The following TDP1 variants were observed in gnomAD, a reference collection of about 807,000 sequenced individuals.
The protein encoded by TDP1 is tyrosyl-DNA phosphodiesterase 1.
TDP1 carries 64 observed loss-of-function variants against 81.5 expected under a neutral mutation model. The ratio of observed to expected loss-of-function variants is 0.79; its 90% CI spans 0.64 to 0.97. TDP1 has a LOEUF of 0.97. TDP1 is among the 50% of genes least tolerant of loss of function. TDP1 has a pLI of 0.00. For missense variants in TDP1, 723 were observed against 743.8 expected, an observed-to-expected ratio of 0.97 and a Z score of 0.33; for synonymous variants, 256 against 264.3, an observed-to-expected ratio of 0.97 and a Z score of 0.30.
chr14:89,985,261 C>T lies in TDP1; in HGVS notation c.1131+51C>T, dbSNP rs763092391. ...ATTTTTAAAAAATTTAATGTATATT[C>T]TCTCTTTTAAAATAATTATATATTT... is the stretch of plus-strand genomic sequence containing the variant. On this transcript the variant is annotated intron_variant, in intron 10 of 16. Coordinates refer to ENST00000335725, the MANE Select transcript of TDP1 (RefSeq NM_018319.4). 4.2e-5 allele frequency: 45 copies of T among 1,059,374 alleles called. No individual in the cohort carries two copies. The African/African-American group carries it at 7.1e-4, about 17-fold the overall frequency. 65.6% of individuals were successfully genotyped at this position (1,059,374 alleles called of 1,614,324 possible).
intron 1 of TDP1, 53 bp from the exon 2 acceptor site, chr14:89,956,525 C>T (rs1798293387): frequency 3.9e-5 from 6 of 152,452 alleles, no homozygotes; most frequent in Admixed American, 3.9e-4. Context: ...CCGTCCCCAA[C>T]GCCTTCAGCA....
At chr14:90,024,267 C>T (rs1886405430) in intron 15 of TDP1, among the ~76,000 whole-genome samples, 1 of 152,222 alleles carries the variant, frequency 6.6e-6, no homozygotes, top group South Asian at 2.1e-4. Context: ...GCCAGGTCCA[C>T]CCTGCTAGCC....
intron 2 of TDP1, among the ~76,000 whole-genome samples, chr14:89,958,881 C>T (rs899081741): frequency 6.6e-6 from 1 of 152,220 alleles, no homozygotes; most frequent in Non-Finnish European, 1.5e-5. Flanking sequence ...TCCAATCATT[C>T]TTTTACATAA....
chr14:90,043,125 C>T lies in TDP1; in HGVS notation c.1809C>T (p.Asn603=). 1.2e-6 allele frequency: 2 copies of T among 1,614,170 alleles called. No homozygotes were observed. Among genetic ancestry groups the T allele is most frequent in the Non-Finnish European group, 1.7e-6 (2 of 1,180,028 alleles). The change falls in exon 17 of 17, where the codon AAC becomes AAT. Residue 603 remains asparagine, a synonymous_variant. Transcript: ENST00000335725. ...PYVKAPDTHG[N]MWVPS Reference sequence around the variant, plus strand: ...TCAAAGCACCGGATACGCATGGGAACATGTGGGTGCCCTCCTGAGAATCTT... The same window carrying T: ...TCAAAGCACCGGATACGCATGGGAATATGTGGGTGCCCTCCTGAGAATCTT...
intron 14 of TDP1, among the ~76,000 whole-genome samples, chr14:90,001,983 T>C (rs1897229973): frequency 1.3e-5 from 2 of 152,224 alleles, no homozygotes; most frequent in African/African-American, 4.8e-5. Flanking sequence ...CTCATCTTTT[T>C]CTGCTTAGCA....
intron 5 of TDP1, among the ~76,000 whole-genome samples, chr14:89,969,899 C>T (rs1322843060): frequency 3.4e-5 from 3 of 89,162 alleles, no homozygotes; most frequent in South Asian, 3.8e-4. Flanking sequence ...TTTTTTGAGG[C>T]GGAGTCTCGC....
chr14:90,021,663 G>T (rs1566917428), intron 15 of TDP1, among the ~76,000 whole-genome samples: 1 of 152,102 alleles, frequency 6.6e-6, no homozygotes, highest in Non-Finnish European at 1.5e-5. Flanking sequence ...CCTTATAGGG[G>T]GGCTCTTCTA....
At chr14:90,036,628 C>G (rs1407494558) in intron 16 of TDP1, among the ~76,000 whole-genome samples, 1 of 152,126 alleles carries the variant, frequency 6.6e-6, no homozygotes, top group Non-Finnish European at 1.5e-5. Flanking sequence ...TATTCATTCT[C>G]TCCACAGATC....
chr14:90,040,544 A>G (rs1239758688), intron 16 of TDP1, among the ~76,000 whole-genome samples: 4 of 152,178 alleles, frequency 2.6e-5, no homozygotes, highest in Non-Finnish European at 5.9e-5. Flanking sequence ...TGTCTTCCCC[A>G]CTGGACTAGA....
chr14:89,988,737 A>T (rs1895845631), intron 10 of TDP1, 168 bp from the exon 11 acceptor site: 5 of 983,652 alleles, frequency 5.1e-6, no homozygotes, highest in Non-Finnish European at 6.0e-6. Flanking sequence ...TTTAAAAAAA[A>T]TTTCCCAAAG....
chr14:90,042,953 G>C, intron 16 of TDP1, 117 bp from the exon 17 acceptor site: 1 of 1,569,438 alleles, frequency 6.4e-7, no homozygotes, highest in East Asian at 2.3e-5. Context: ...GCTTGGTTCA[G>C]AAAATACTCT....
intron 14 of TDP1, among the ~76,000 whole-genome samples, chr14:90,017,349 A>G (rs1374550810): frequency 1.3e-5 from 2 of 152,120 alleles, no homozygotes; most frequent in Non-Finnish European, 2.9e-5. Context: ...GTTATTAAAG[A>G]TGATATCTCA....
intron 15 of TDP1, among the ~76,000 whole-genome samples, chr14:90,019,839 G>T (rs1488593631): frequency 1.3e-5 from 2 of 152,126 alleles, no homozygotes; most frequent in Admixed American, 6.6e-5. Flanking sequence ...TTTGAAAGAT[G>T]CTTAGGATGT....
chr14:90,029,011 T>C (rs1276352211), intron 15 of TDP1, among the ~76,000 whole-genome samples: 2 of 152,134 alleles, frequency 1.3e-5, no homozygotes, highest in Non-Finnish European at 2.9e-5. Flanking sequence ...CTTTGTTTTT[T>C]AAAATGTCCA....
intron 6 of TDP1, among the ~76,000 whole-genome samples, chr14:89,973,065 G>GT (rs58176524): frequency 0.1 from 15,378 of 152,078 alleles, 2,042 homozygotes; most frequent in African/African-American, 0.31. Context: ...AATCTTGTTA[G>GT]TTTAAACATA....
chr14:89,975,442 TA>T, intron 6 of TDP1: 1 of 985,242 alleles, frequency 1.0e-6, no homozygotes, highest in Non-Finnish European at 1.2e-6. Context: ...GCCAAATATC[TA>T]AAACTTTGCA....
chr14:90,016,041 T>C (rs1045982628), intron 14 of TDP1, among the ~76,000 whole-genome samples: 4 of 150,470 alleles, frequency 2.7e-5, no homozygotes, highest in East Asian at 1.9e-4. Flanking sequence ...GCAGCCTTTT[T>C]TTTTCTTTTT....
At position 89,972,804 on chromosome 14, in the gene TDP1, C is replaced by T. The variant is rs1429256305; in HGVS notation, c.756+1533C>T. Among the ~76,000 whole-genome samples, 7 of 152,162 alleles carry T rather than the reference C, an allele frequency of 4.6e-5. No individual in the cohort carries two copies. In the South Asian group the frequency reaches 1.0e-3, roughly 22 times the overall value. Reference sequence around the variant, plus strand: ...TGTATTCGTTTGTTATGAGAAAACACGAAAGATGCTTTTTATAGCCCTTTT... The same window carrying T: ...TGTATTCGTTTGTTATGAGAAAACATGAAAGATGCTTTTTATAGCCCTTTT... On this transcript the variant is annotated intron_variant, in intron 6 of 16. Transcript: ENST00000335725.
chr14:90,037,831 A>G (rs930925890), intron 16 of TDP1, among the ~76,000 whole-genome samples: 1 of 152,254 alleles, frequency 6.6e-6, no homozygotes, highest in Non-Finnish European at 1.5e-5. Flanking sequence ...TGTCCTTTAT[A>G]GCAAAAGAGA....
Sources: allele counts gnomAD v4.1 joint callset (sites outside exome capture counted in the v4.1 genomes callset), GRCh38; gene constraint gnomAD v4.1.1; transcripts MANE v1.5; gene names NCBI Gene and HGNC (gene_info 2026-07-23, HGNC 2026-07-21).